RP1: variants seen among roughly 807,000 people sequenced by gnomAD.
The protein encoded by RP1 is RP1 axonemal microtubule associated, also known as oxygen-regulated protein 1.
Under a neutral mutation model 14.8 loss-of-function variants are expected in RP1, and 16 were observed. The ratio of observed to expected loss-of-function variants is 1.08; its 90% confidence interval spans 0.73 to 1.65. The LOEUF (loss-of-function observed/expected upper bound fraction) is 1.65, where lower values mean the gene tolerates loss of function less well. Among genes scored for constraint, RP1 ranks in the 40% most tolerant of loss-of-function variants. RP1 has a pLI of 0.00. For missense variants in RP1, 2,631 were observed against 2,535.0 expected, an observed-to-expected ratio of 1.04 and a Z score of -0.81; for synonymous variants, 876 against 883.6, an observed-to-expected ratio of 0.99 and a Z score of 0.15.
chr8:54,669,094 T>G (rs1807083592), intron 7 of RP1, among the ~76,000 whole-genome samples: 1 of 152,078 alleles, frequency 6.6e-6, no homozygotes, highest in Non-Finnish European at 1.5e-5. Context: ...ACAGGCCACC[T>G]ACAGAATGGG....
At chr8:54,870,097 G>T in exon 29 of RP1, 1 of 393,992 alleles carries the variant, frequency 2.5e-6, no homozygotes, top group Non-Finnish European at 4.4e-6. Context: ...TTCCAAAATT[G>T]GGAGGATGCA....
chr8:54,572,976 ACACT>A (rs1342542162), intron 1 of RP1, among the ~76,000 whole-genome samples: 1 of 151,480 alleles, frequency 6.6e-6, no homozygotes, highest in Non-Finnish European at 1.5e-5. Flanking sequence ...CAGGCTATAG[ACACT>A]CACTTTTTAC....
intron 16 of RP1, among the ~76,000 whole-genome samples, chr8:54,720,479 GT>G (rs963844207): frequency 1.3e-5 from 2 of 152,096 alleles, no homozygotes; most frequent in African/African-American, 4.8e-5. Context: ...GTTGCCTCAA[GT>G]TTTCAGATAA....
At chr8:54,841,854 T>C (rs955183825) in intron 25 of RP1, among the ~76,000 whole-genome samples, 11 of 152,114 alleles carry the variant, frequency 7.2e-5, no homozygotes, top group Admixed American at 7.2e-4. Context: ...TAAAAGAAGG[T>C]GAGGTTCGAG....
intron 24 of RP1, among the ~76,000 whole-genome samples, chr8:54,802,340 A>G (rs140988516): frequency 1.1e-3 from 174 of 152,300 alleles, no homozygotes; most frequent in African/African-American, 4.0e-3. Context: ...AATCCAACCT[A>G]TAAGTAAGAG....
chr8:54,687,924 A>C (rs559568343), intron 12 of RP1, among the ~76,000 whole-genome samples: 3 of 152,098 alleles, frequency 2.0e-5, no homozygotes, highest in African/African-American at 7.2e-5. Context: ...TTACACTCCC[A>C]CCAACAGTGT....
intron 24 of RP1, among the ~76,000 whole-genome samples, chr8:54,819,991 T>A (rs567746280): frequency 6.6e-6 from 1 of 152,264 alleles, no homozygotes; most frequent in Admixed American, 6.5e-5. Context: ...CAGGGCCCAA[T>A]GGCTCTTAGT....
rs1563331663 is a variant in RP1 at position 54,627,517 on chromosome 8, GTTCCACGGTCAACA to G, written c.3639_3652del (p.Thr1214GlufsTer4). ...GTTCCAATAGATCTTTCTGCAAATT[GTTCCACGGTCAACA>G]TTCAGAGTGTTCCTAAGTGCAGTGA... On this transcript the variant is annotated frameshift_variant, in exon 4 of 4. Transcript: ENST00000220676. LOFTEE classifies it low-confidence loss of function (END_TRUNC). 6.2e-7 allele frequency: 1 copy of G among 1,614,128 alleles called. No homozygotes were observed. Among genetic ancestry groups the G allele is most frequent in the Non-Finnish European group, 8.5e-7 (1 of 1,179,974 alleles).
At chr8:54,764,048 C>T (rs958939352) in intron 22 of RP1, among the ~76,000 whole-genome samples, 4 of 152,210 alleles carry the variant, frequency 2.6e-5, no homozygotes, top group African/African-American at 9.7e-5. Context: ...GGAATGCCAC[C>T]TCCACTCCAG....
intron 24 of RP1, among the ~76,000 whole-genome samples, chr8:54,803,501 T>C (rs79468119): frequency 0.029 from 4,365 of 152,274 alleles, 120 homozygotes; most frequent in African/African-American, 0.064. Flanking sequence ...CAGGAAAATG[T>C]ATAACAAATA....
intron 7 of RP1, among the ~76,000 whole-genome samples, chr8:54,669,332 A>G (rs1428627405): frequency 9.8e-4 from 149 of 152,212 alleles, no homozygotes; most frequent in Non-Finnish European, 2.6e-4. Flanking sequence ...ATGAGATACC[A>G]TCTCACACCA....
intron 6 of RP1, among the ~76,000 whole-genome samples, chr8:54,661,639 G>A (rs1806901212): frequency 2.0e-5 from 3 of 152,170 alleles, no homozygotes; most frequent in Non-Finnish European, 4.4e-5. Context: ...TGAAAATCCA[G>A]AGGATGGAGC....
At chr8:54,679,542 A>T in intron 10 of RP1, 13 of 1,535,688 alleles carry the variant, frequency 8.5e-6, no homozygotes, top group Non-Finnish European at 1.1e-5. Context: ...TTTTATGATG[A>T]CTGGAGAAAG....
chr8:54,686,317 A>G (rs1453531324), intron 12 of RP1, among the ~76,000 whole-genome samples: 1 of 152,006 alleles, frequency 6.6e-6, no homozygotes, highest in Non-Finnish European at 1.5e-5. Context: ...ACCTGTAGAC[A>G]TCTTTTCAAG....
At chr8:54,673,879 C>G (rs1237632578) in exon 8 of RP1, 8 of 1,535,788 alleles carry the variant, frequency 5.2e-6, no homozygotes. Flanking sequence ...AGGCTGTGCA[C>G]CTTGGAGATT....
chr8:54,768,548 AGT>A (rs1435883211), intron 22 of RP1, among the ~76,000 whole-genome samples: 2 of 152,204 alleles, frequency 1.3e-5, no homozygotes, highest in Non-Finnish European at 2.9e-5. Flanking sequence ...AGTATGTGTA[AGT>A]GTGTGGGATA....
chr8:54,787,745 C>T (rs1289552060), intron 24 of RP1, among the ~76,000 whole-genome samples: 1 of 152,128 alleles, frequency 6.6e-6, no homozygotes, highest in African/African-American at 2.4e-5. Flanking sequence ...ATTGTGAACT[C>T]CCAGGGCACT....
At chr8:54,780,860 A>G in intron 23 of RP1, 2 of 914,422 alleles carry the variant, frequency 2.2e-6, no homozygotes, top group Non-Finnish European at 2.6e-6. Flanking sequence ...GGAATTCTCT[A>G]GGTCAGTTTT....
intron 7 of RP1, among the ~76,000 whole-genome samples, chr8:54,668,866 C>T (rs911608369): frequency 6.6e-6 from 1 of 152,088 alleles, no homozygotes; most frequent in East Asian, 1.9e-4. Flanking sequence ...ACACCTTATA[C>T]AAAAATTAAT....
Sources: gnomAD v4.1 joint callset for allele counts (sites outside exome capture counted in the v4.1 genomes callset) on GRCh38, gnomAD v4.1.1 for gene constraint, MANE v1.5 for transcripts, NCBI Gene and HGNC (gene_info 2026-07-23, HGNC 2026-07-21) for gene names.